The following ERICH3 variants were observed in gnomAD, a reference collection of about 807,000 sequenced individuals.
ERICH3 encodes the protein glutamate-rich protein 3.
Under a neutral mutation model 131.1 loss-of-function variants are expected in ERICH3, and 126 were observed. The ratio of observed to expected loss-of-function variants is 0.96; its 90% CI spans 0.83 to 1.11. The LOEUF is 1.11. ERICH3 is among the 50% of genes most tolerant of loss of function. The probability of loss-of-function intolerance (pLI) is 0.00; values close to 1 mark genes in which losing one functional copy is unlikely to be tolerated. For missense variants in ERICH3, 2,050 were observed against 1,810.7 expected, an observed-to-expected ratio of 1.13 and a Z score of -2.40; for synonymous variants, 695 against 644.6, an observed-to-expected ratio of 1.08 and a Z score of -1.18.
chr1:74,583,786 A>C (rs191700897), intron 12 of ERICH3, among the ~76,000 whole-genome samples: 1 of 152,322 alleles, frequency 6.6e-6, no homozygotes, highest in East Asian at 1.9e-4. Flanking sequence ...GTCAAAATAC[A>C]AATGCTCTAA....
intron 8 of ERICH3, among the ~76,000 whole-genome samples, chr1:74,617,936 T>G (rs961550377): frequency 2.6e-5 from 4 of 152,180 alleles, no homozygotes; most frequent in Non-Finnish European, 4.4e-5. Context: ...GGCTAAAGCC[T>G]GTAATCCCAA....
intron 11 of ERICH3, among the ~76,000 whole-genome samples, chr1:74,595,329 T>C (rs926602210): frequency 6.6e-6 from 1 of 152,062 alleles, no homozygotes; most frequent in Admixed American, 6.6e-5. Flanking sequence ...ATATAAATTA[T>C]CAAATTCCAA....
chr1:74,576,949 A>G lies in ERICH3; in HGVS notation c.2177-13T>C, dbSNP rs1447822547. ...AATGAATCCTTTCCTAGTTAAAAAA[A>G]AAAAAAAGAAAAAAAAGGTCAAATG... On this transcript the variant is annotated splice_polypyrimidine_tract_variant and intron_variant, in intron 12 of 14. Coordinates refer to ENST00000326665, the MANE Select transcript of ERICH3 (RefSeq NM_001002912.5). The G allele has an allele frequency of 1.3e-6, 2 of 1,586,778 alleles. No individual in the cohort carries two copies. Among genetic ancestry groups the G allele is most frequent in the Non-Finnish European group, 1.7e-6 (2 of 1,167,394 alleles).
intron 2 of ERICH3, among the ~76,000 whole-genome samples, chr1:74,647,229 A>C (rs1239721810): frequency 6.6e-6 from 1 of 152,044 alleles, no homozygotes; most frequent in East Asian, 1.9e-4. Context: ...TCTTTTTTGA[A>C]CACTTTCCTG....
chr1:74,663,526 T>C (rs1283202536), intron 1 of ERICH3, among the ~76,000 whole-genome samples: 1 of 150,490 alleles, frequency 6.6e-6, no homozygotes, highest in African/African-American at 2.5e-5. Flanking sequence ...CTCTCTCCTA[T>C]AGCAAGGCAT....
At chr1:74,575,883 G>C (rs956477846) in intron 13 of ERICH3, among the ~76,000 whole-genome samples, 1 of 152,202 alleles carries the variant, frequency 6.6e-6, no homozygotes, top group African/African-American at 2.4e-5. Context: ...GGGAGAAAGA[G>C]TAATTGAAGC....
chr1:74,570,700 C>T (rs1424526343), intron 14 of ERICH3, among the ~76,000 whole-genome samples: 1 of 152,192 alleles, frequency 6.6e-6, no homozygotes, highest in African/African-American at 2.4e-5. Flanking sequence ...AAACAACCTT[C>T]ATCTCATCCT....
intron 12 of ERICH3, chr1:74,589,367 A>T (rs1041120870): frequency 9.2e-6 from 5 of 542,290 alleles, no homozygotes; most frequent in Non-Finnish European, 1.6e-5. Flanking sequence ...CATTCCTGAG[A>T]TGGAATTCCC....
intron 1 of ERICH3, among the ~76,000 whole-genome samples, chr1:74,666,426 T>C (rs939663632): frequency 6.6e-6 from 1 of 152,138 alleles, no homozygotes; most frequent in African/African-American, 2.4e-5. Flanking sequence ...AAATTTTTAA[T>C]CCTAATACTG....
intron 1 of ERICH3, among the ~76,000 whole-genome samples, chr1:74,664,854 A>G (rs1646674440): frequency 6.6e-6 from 1 of 152,200 alleles, no homozygotes; most frequent in South Asian, 2.1e-4. Context: ...ACTTACCTGT[A>G]GAGATCATTG....
rs955267070 is a variant in ERICH3 at position 74,672,923 on chromosome 1, C to T, written c.23+574G>A. Among the ~76,000 whole-genome samples the T allele has an allele frequency of 3.2e-4, 49 of 152,158 alleles. 2 individuals are homozygous for T. The highest frequency in any genetic ancestry group is 1.3e-4 in the Admixed American group (2 of 15,278). ...ATACACAGGCACACAACTCCTCCCT[C>T]TCTTTTCCTGTGCCATATAACCTTC... On this transcript the variant is annotated intron_variant, in intron 1 of 14. Transcript: ENST00000326665.
chr1:74,616,797 C>G (rs577481268), intron 8 of ERICH3, among the ~76,000 whole-genome samples: 1 of 152,248 alleles, frequency 6.6e-6, no homozygotes, highest in South Asian at 2.1e-4. Context: ...CACACAGACA[C>G]ACAAGAATAG....
chr1:74,656,979 C>T (rs770762295), intron 1 of ERICH3, among the ~76,000 whole-genome samples: 1 of 152,174 alleles, frequency 6.6e-6, no homozygotes, highest in Non-Finnish European at 1.5e-5. Context: ...TAAACTGTCA[C>T]AAACCCAGCC....
Position 74,630,034 on chromosome 1 carries a change from G to T in ERICH3, c.819+1679C>A, listed in dbSNP as rs903131724. ...TATTGTTGTTGAACTTGTACATATA[G>T]ATAAGACTTTATATATTCTTATGGC... On this transcript the variant is annotated intron_variant, in intron 7 of 14. Coordinates refer to ENST00000326665, the MANE Select transcript of ERICH3 (RefSeq NM_001002912.5). Among the ~76,000 whole-genome samples, 4 of 152,202 alleles carry T rather than the reference G, an allele frequency of 2.6e-5. No homozygotes were observed. The South Asian group carries it at 8.3e-4, about 32-fold the overall frequency.
chr1:74,649,395 A>G (rs897882632), intron 1 of ERICH3, 80 bp from the exon 2 acceptor site: 1 of 1,036,534 alleles, frequency 9.6e-7, no homozygotes, highest in East Asian at 2.4e-5. Flanking sequence ...GTTTCCCCAA[A>G]TAGTGCATAA....
intron 1 of ERICH3, among the ~76,000 whole-genome samples, chr1:74,662,812 G>T (rs561735462): frequency 6.6e-6 from 1 of 152,216 alleles, no homozygotes; most frequent in African/African-American, 2.4e-5. Flanking sequence ...CTGCAGTGAT[G>T]ACTGAAATTA....
chr1:74,607,265 A>C (rs1648446620), intron 9 of ERICH3, among the ~76,000 whole-genome samples: 1 of 152,018 alleles, frequency 6.6e-6, no homozygotes, highest in South Asian at 2.1e-4. Context: ...AGGTGGGTAT[A>C]TAATTTTTCA....
chr1:74,622,232 A>G (rs1158805077), intron 7 of ERICH3: 1 of 152,248 alleles, frequency 6.6e-6, no homozygotes, highest in Non-Finnish European at 1.5e-5. Flanking sequence ...CAACCATCTG[A>G]AAGTATAAAT....
At chr1:74,588,066 C>T (rs929667805) in intron 12 of ERICH3, among the ~76,000 whole-genome samples, 1 of 152,132 alleles carries the variant, frequency 6.6e-6, no homozygotes, top group Non-Finnish European at 1.5e-5. Context: ...AGTGGTTTGG[C>T]CCCTGGGCCA....
Sources: gnomAD v4.1 joint callset for allele counts (sites outside exome capture counted in the v4.1 genomes callset) on GRCh38, gnomAD v4.1.1 for gene constraint, MANE v1.5 for transcripts, NCBI Gene and HGNC (gene_info 2026-07-23, HGNC 2026-07-21) for gene names.